The following ZFYVE28 variants were observed in gnomAD, a reference collection of about 807,000 sequenced individuals.
ZFYVE28 encodes zinc finger FYVE-type containing 28, also known as lateral signaling target protein 2 homolog.
Under a neutral mutation model 82.1 loss-of-function variants are expected in ZFYVE28, and 40 were observed. The ratio of observed to expected loss-of-function variants is 0.49; its 90% CI spans 0.38 to 0.63. The LOEUF (loss-of-function observed/expected upper bound fraction) is 0.63, where lower values mean the gene tolerates loss of function less well. Among genes scored for constraint, ZFYVE28 ranks in the 30% least tolerant of loss-of-function variants. The pLI is 0.00. For missense variants in ZFYVE28, 1,321 were observed against 1,242.1 expected (o/e 1.06, Z -0.96); for synonymous variants, 612 against 546.1 (o/e 1.12, Z -1.68).
At chr4:2,334,812 T>TTCCCCCTCCCCC (rs1721371285) in intron 6 of ZFYVE28, among the ~76,000 whole-genome samples, 2 of 7,092 alleles carry the variant, frequency 2.8e-4, no homozygotes. Context: ...CCCCCTCCCC[T>TTCCCCCTCCCCC]CTTCCCCCTC....
chr4:2,354,184 C>G, intron 1 of ZFYVE28, 111 bp from the exon 2 acceptor site: 2 of 1,207,932 alleles, frequency 1.7e-6, no homozygotes, highest in Non-Finnish European at 2.2e-6. Context: ...ACCTTCCACC[C>G]TGAGCAGCAG....
At chr4:2,331,862 C>T (rs964254213) in intron 6 of ZFYVE28, among the ~76,000 whole-genome samples, 26 of 152,388 alleles carry the variant, frequency 1.7e-4, no homozygotes, top group Middle Eastern at 3.4e-3. Context: ...CAGTTTACCA[C>T]TGCCTCTGCC....
Position 2,321,164 on chromosome 4 carries a change from C to T in ZFYVE28, c.702-893G>A, listed in dbSNP as rs6824115. Among the ~76,000 whole-genome samples the T allele has an allele frequency of 2.2e-3, 341 of 152,202 alleles. 3 individuals are homozygous for T. Among genetic ancestry groups the T allele is most frequent in the African/African-American group, 7.6e-3 (316 of 41,544 alleles). ...CACGAATTCGTCCCCTGTCCCTCAT[C>T]ATATTCTTCCTCATCAGAGCACAGA... On this transcript the variant is annotated intron_variant, in intron 6 of 12. Coordinates refer to ENST00000290974, the MANE Select transcript of ZFYVE28 (RefSeq NM_020972.3).
At chr4:2,390,399 A>T (rs1274951015) in intron 1 of ZFYVE28, among the ~76,000 whole-genome samples, 1 of 152,164 alleles carries the variant, frequency 6.6e-6, no homozygotes, top group Non-Finnish European at 1.5e-5. Flanking sequence ...CAGGAAACGA[A>T]TACAGGCAGG....
At position 2,372,435 on chromosome 4, in the gene ZFYVE28, T is replaced by C. The variant is rs1727662875; in HGVS notation, c.40-18362A>G. 6.7e-6 allele frequency among the ~76,000 whole-genome samples: 1 copy of C among 149,232 alleles called. No individual in the cohort carries two copies. The highest frequency in any genetic ancestry group is 1.5e-5 in the Non-Finnish European group (1 of 67,386). On this transcript the variant is annotated intron_variant, in intron 1 of 12. Coordinates refer to ENST00000290974, the MANE Select transcript of ZFYVE28 (RefSeq NM_020972.3). The surrounding 1 kb of genome is among the most constrained non-coding windows in gnomAD (Gnocchi z 5.2). Reference sequence around the variant, plus strand: ...ATGCCCAGCAGGTTCCAGTGCTGGGTCTTTGGCCTCAAGGTTCACCCAACA... The same window carrying C: ...ATGCCCAGCAGGTTCCAGTGCTGGGCCTTTGGCCTCAAGGTTCACCCAACA...
chr4:2,350,698 G>A (rs1302266548), intron 2 of ZFYVE28, among the ~76,000 whole-genome samples: 8 of 152,206 alleles, frequency 5.3e-5, no homozygotes, highest in Admixed American at 5.2e-4. Flanking sequence ...GGGGAGGGGA[G>A]AGGCACTGAA....
At chr4:2,400,504 C>T (rs929666659) in intron 1 of ZFYVE28, among the ~76,000 whole-genome samples, 2 of 152,098 alleles carry the variant, frequency 1.3e-5, no homozygotes, top group African/African-American at 2.4e-5. Context: ...CCAGACATCC[C>T]GGTTTGCCTG....
chr4:2,326,896 C>T (rs1719918022), intron 6 of ZFYVE28, among the ~76,000 whole-genome samples: 1 of 152,006 alleles, frequency 6.6e-6, no homozygotes, highest in Non-Finnish European at 1.5e-5. Context: ...TGGAACTTTA[C>T]TATATTCATT....
At chr4:2,406,781 GC>G (rs563942145) in intron 1 of ZFYVE28, 2 of 152,204 alleles carry the variant, frequency 1.3e-5, no homozygotes, top group Non-Finnish European at 2.9e-5. Context: ...TTTAGTTTTT[GC>G]TTTTTGTTTG....
intron 1 of ZFYVE28, among the ~76,000 whole-genome samples, chr4:2,404,861 T>TTCTTTTTC (rs201666739): frequency 0.016 from 2,201 of 137,558 alleles, 23 homozygotes; most frequent in Non-Finnish European, 0.024. Flanking sequence ...CTCGCTCTTT[T>TTCTTTTTC]TTTTTTTTTT....
At position 2,335,710 on chromosome 4, in the gene ZFYVE28, G is replaced by A. The variant is rs762907904; in HGVS notation, c.696C>T (p.Ile232=). The A allele has an allele frequency of 1.6e-5, 25 of 1,572,540 alleles. No individual in the cohort carries two copies. In the East Asian group the frequency reaches 3.0e-4, roughly 19 times the overall value. The change falls in exon 6 of 13, where the codon ATC becomes ATT. Residue 232 remains isoleucine (I), a synonymous_variant. Transcript: ENST00000290974. This position sits in a 1 kb window ranked among gnomAD's most constrained non-coding sequence, Gnocchi z 5.8. ...ALMFSIPRLA[I]VCGLVVYADG... is the part of the protein sequence containing the mutation. ...TGGGCACAGGAGGCACTCACCACACGATGGCCAGCCTGGGGATGCTGAACA... is the reference window on the plus strand; with the variant it reads ...TGGGCACAGGAGGCACTCACCACACAATGGCCAGCCTGGGGATGCTGAACA...
chr4:2,353,565 A>G (rs1217673428), intron 2 of ZFYVE28, among the ~76,000 whole-genome samples: 1 of 152,150 alleles, frequency 6.6e-6, no homozygotes, highest in East Asian at 1.9e-4. Context: ...TGGCAGCACC[A>G]TTAGTCAGTG....
At position 2,341,026 on chromosome 4, in the gene ZFYVE28, G is replaced by A. The variant is rs1266892362; in HGVS notation, c.318+452C>T. Among the ~76,000 whole-genome samples, 3 of 152,064 alleles carry A rather than the reference G, an allele frequency of 2.0e-5. No homozygotes were observed. Among genetic ancestry groups the A allele is most frequent in the Non-Finnish European group, 4.4e-5 (3 of 68,002 alleles). ...CACCTTGAAGGGCACCTTCCTCTCG[G>A]TGCCTCAGTTTCCTGATTGGGAGAT... is the stretch of plus-strand genomic sequence containing the variant. On this transcript the variant is annotated intron_variant, in intron 3 of 12. Transcript: ENST00000290974. This position sits in a 1 kb window ranked among gnomAD's most constrained non-coding sequence, Gnocchi z 4.5.
chr4:2,341,765 AT>A lies in ZFYVE28; in HGVS notation c.181-151del. 8.6e-7 allele frequency: 1 copy of A among 1,169,122 alleles called. No homozygotes were observed. Among genetic ancestry groups the A allele is most frequent in the Non-Finnish European group, 1.2e-6 (1 of 843,242 alleles). The allele number at this position is 1,169,122 out of a possible 1,614,324, so 72.4% of individuals were successfully genotyped here. A position where few individuals can be genotyped will look rare whatever the true frequency, so the allele number is the denominator to read the frequency against. On this transcript the variant is annotated intron_variant, in intron 2 of 12. Coordinates refer to ENST00000290974, the MANE Select transcript of ZFYVE28 (RefSeq NM_020972.3). This position sits in a 1 kb window ranked among gnomAD's most constrained non-coding sequence, Gnocchi z 4.5. The stretch of plus-strand genomic sequence containing the variant: ...CTAGGCACGGTGGCTCATGCCTATA[AT>A]GCCAGCACTTTGGGAGGCCGAGGCG...
chr4:2,323,727 TG>T (rs1182457250), intron 6 of ZFYVE28, among the ~76,000 whole-genome samples: 1 of 124,212 alleles, frequency 8.1e-6, no homozygotes, highest in Non-Finnish European at 1.6e-5. Context: ...CAGAGTGTGA[TG>T]TTCCCCTTCC....
At chr4:2,312,751 A>G (rs1276714725) in intron 7 of ZFYVE28, among the ~76,000 whole-genome samples, 2 of 138,882 alleles carry the variant, frequency 1.4e-5, no homozygotes, top group Admixed American at 7.2e-5. Flanking sequence ...AAAAAAAAAA[A>G]GAAGTGTTTT....
chr4:2,293,307 A>G (rs966386268), intron 8 of ZFYVE28, among the ~76,000 whole-genome samples: 1 of 152,228 alleles, frequency 6.6e-6, no homozygotes, highest in Non-Finnish European at 1.5e-5. Context: ...AAACACAAGA[A>G]AAAGGAATAC....
intron 7 of ZFYVE28, among the ~76,000 whole-genome samples, chr4:2,308,854 T>C (rs1717098656): frequency 6.6e-6 from 1 of 152,222 alleles, no homozygotes; most frequent in African/African-American, 2.4e-5. Context: ...GACCAACTGA[T>C]ATCTTCATAA....
intron 8 of ZFYVE28, among the ~76,000 whole-genome samples, chr4:2,288,092 A>C (rs1713037317): frequency 6.6e-6 from 1 of 152,142 alleles, no homozygotes; most frequent in African/African-American, 2.4e-5. Context: ...GCCTGTGGTC[A>C]GATGCCCAAC....
Sources: gnomAD v4.1 joint callset for allele counts (sites outside exome capture counted in the v4.1 genomes callset) on GRCh38, gnomAD v4.1.1 for gene constraint, Gnocchi (gnomAD v3.1) non-coding constraint, MANE v1.5 for transcripts, NCBI Gene and HGNC (gene_info 2026-07-23, HGNC 2026-07-21) for gene names.